The following ATP2B2 variants were observed in gnomAD, a reference collection of about 807,000 sequenced individuals.
ATP2B2 encodes the protein ATPase plasma membrane Ca2+ transporting 2, also known as plasma membrane calcium-transporting ATPase 2.
A neutral mutation model predicts 120.0 loss-of-function variants in ATP2B2; 15 were observed. That is an observed-to-expected ratio of 0.12 (90% CI 0.08 to 0.19). The LOEUF (loss-of-function observed/expected upper bound fraction) is 0.19. Among genes scored for constraint, ATP2B2 ranks in the 10% least tolerant of loss-of-function variants. ATP2B2 has a pLI of 1.00. For synonymous variants in ATP2B2, 694 were observed against 700.3 expected, an observed-to-expected ratio of 0.99 and a Z score of 0.14; for missense variants, 1,045 against 1,719.8, an observed-to-expected ratio of 0.61 and a Z score of 6.94.
At chr3:10,528,397 C>T (rs1173105968) in intron 3 of ATP2B2, among the ~76,000 whole-genome samples, 4 of 152,164 alleles carry the variant, frequency 2.6e-5, no homozygotes, top group African/African-American at 9.7e-5. Context: ...AAAAGGGTAA[C>T]AGAGTCCCCC....
chr3:10,341,536 C>A (rs1192776306), intron 19 of ATP2B2, among the ~76,000 whole-genome samples: 1 of 152,194 alleles, frequency 6.6e-6, no homozygotes, highest in East Asian at 1.9e-4. Flanking sequence ...GTCTCGAATT[C>A]CTGACCTCAA....
At chr3:10,393,904 C>T (rs1418144157) in intron 5 of ATP2B2, among the ~76,000 whole-genome samples, 4 of 152,272 alleles carry the variant, frequency 2.6e-5, no homozygotes, top group African/African-American at 7.2e-5. Context: ...TTCCCTTGCC[C>T]TGAGCTGGTC....
intron 21 of ATP2B2, among the ~76,000 whole-genome samples, chr3:10,339,821 C>G (rs749537228): frequency 6.6e-6 from 1 of 152,212 alleles, no homozygotes; most frequent in African/African-American, 2.4e-5. Flanking sequence ...TAACAAGCTG[C>G]TCCAGCCTTG....
At chr3:10,493,223 C>A (rs1306247038) in intron 1 of ATP2B2, among the ~76,000 whole-genome samples, 1 of 151,968 alleles carries the variant, frequency 6.6e-6, no homozygotes, top group Non-Finnish European at 1.5e-5. Flanking sequence ...TATTCGAAAA[C>A]AAGTGCCATG....
At chr3:10,621,733 A>G (rs2069555308) in intron 1 of ATP2B2, among the ~76,000 whole-genome samples, 1 of 152,214 alleles carries the variant, frequency 6.6e-6, no homozygotes, top group Non-Finnish European at 1.5e-5. Context: ...ACACCTGAGC[A>G]TTTACTCCTC....
chr3:10,466,491 A>C (rs1424585832), intron 1 of ATP2B2, among the ~76,000 whole-genome samples: 1 of 152,174 alleles, frequency 6.6e-6, no homozygotes, highest in Non-Finnish European at 1.5e-5. Context: ...ATTAGGCCGA[A>C]CAGTTTTACT....
At chr3:10,365,364 C>A (rs1658705) in intron 12 of ATP2B2, among the ~76,000 whole-genome samples, 1 of 152,186 alleles carries the variant, frequency 6.6e-6, no homozygotes, top group South Asian at 2.1e-4. Flanking sequence ...CCAGGTGGCA[C>A]GAAATTTTGG....
intron 2 of ATP2B2, among the ~76,000 whole-genome samples, chr3:10,589,541 T>C (rs1342672850): frequency 1.3e-5 from 2 of 152,150 alleles, no homozygotes; most frequent in Non-Finnish European, 2.9e-5. Flanking sequence ...TGGGACAGGG[T>C]CTGCTTTGGA....
At position 10,622,489 on chromosome 3, in the gene ATP2B2, G is replaced by GA. The variant is rs138552043; in HGVS notation, c.-459-2529dup. Among the ~76,000 whole-genome samples the GA allele has an allele frequency of 1.5e-3, 221 of 152,130 alleles. 1 individual carries two copies. In the East Asian group the frequency reaches 0.022, roughly 15 times the overall value. ...GGATGGAAAGTAATTGGTGAAATTG[G>GA]AAAAATCCCCTGACTTCTAACATAG... is the stretch of plus-strand genomic sequence containing the variant. On this transcript the variant is annotated intron_variant, in intron 1 of 21. Transcript: ENST00000646379.
In ATP2B2 at chr3:10,373,826, G is replaced by A. The variant is rs528751744; in HGVS notation, c.1416+1604C>T. On this transcript the variant is annotated intron_variant, in intron 11 of 22. Coordinates refer to ENST00000360273, the MANE Select transcript of ATP2B2 (RefSeq NM_001001331.4). ...CGGGCTCAAGCGATCCTCTTGCCTC[G>A]GCCTCTGAAAGTGCTGGGGATTACA... Among the ~76,000 whole-genome samples the A allele has an allele frequency of 2.0e-3, 310 of 152,104 alleles. 1 individual carries two copies. Among genetic ancestry groups the A allele is most frequent in the Non-Finnish European group, 3.6e-3 (246 of 68,020 alleles).
At chr3:10,454,023 C>T (rs981780179) in intron 1 of ATP2B2, among the ~76,000 whole-genome samples, 24 of 151,874 alleles carry the variant, frequency 1.6e-4, no homozygotes, top group Non-Finnish European at 1.9e-4. Context: ...CACCACCCAC[C>T]GACCCATCTA....
intron 1 of ATP2B2, among the ~76,000 whole-genome samples, chr3:10,669,639 A>G (rs897570523): frequency 6.6e-6 from 1 of 152,172 alleles, no homozygotes; most frequent in African/African-American, 2.4e-5. Flanking sequence ...AGGCAATTTC[A>G]ATGCGGGCTA....
intron 1 of ATP2B2, among the ~76,000 whole-genome samples, chr3:10,466,158 A>C (rs1259701350): frequency 6.6e-6 from 1 of 152,176 alleles, no homozygotes; most frequent in East Asian, 1.9e-4. Context: ...AGTCTGTGTC[A>C]ATGCTGGTGG....
intron 2 of ATP2B2, among the ~76,000 whole-genome samples, chr3:10,606,912 C>CACAG (rs1405755716): frequency 4.8e-5 from 3 of 62,582 alleles, no homozygotes; most frequent in Middle Eastern, 0.012. Flanking sequence ...CACACACACA[C>CACAG]AGAGAGAGAG....
intron 2 of ATP2B2, among the ~76,000 whole-genome samples, chr3:10,563,446 T>A (rs1047511695): frequency 1.3e-5 from 2 of 152,258 alleles, no homozygotes; most frequent in Non-Finnish European, 2.9e-5. Context: ...AACAGGATGT[T>A]ATGTGGCTTT....
At chr3:10,341,843 C>T (rs13084261) in intron 19 of ATP2B2, among the ~76,000 whole-genome samples, 16,706 of 152,206 alleles carry the variant, frequency 0.11, 1,286 homozygotes, top group East Asian at 0.37. Flanking sequence ...ATAAGTTTTA[C>T]AACAGTAAAA....
intron 2 of ATP2B2, among the ~76,000 whole-genome samples, chr3:10,612,406 C>T (rs1023743393): frequency 5.9e-5 from 9 of 152,304 alleles, no homozygotes; most frequent in African/African-American, 2.2e-4. Context: ...TTTGACACTG[C>T]TGCTCACCCT....
At chr3:10,355,802 G>GTGTGTGTGTGTGTGTGTGTGTGTGT (rs1231360099) in intron 14 of ATP2B2, among the ~76,000 whole-genome samples, 1 of 25,306 alleles carries the variant, frequency 4.0e-5, no homozygotes, top group Non-Finnish European at 7.7e-5. Flanking sequence ...GGCCGGGCGC[G>GTGTGTGTGTGTGTGTGTGTGTGTGT]GTGGCTCACG....
At chr3:10,651,422 G>A (rs1412920118) in intron 1 of ATP2B2, among the ~76,000 whole-genome samples, 1 of 152,210 alleles carries the variant, frequency 6.6e-6, no homozygotes, top group Non-Finnish European at 1.5e-5. Flanking sequence ...TTTTAAAAAG[G>A]GGAGGTTCCC....
Sources: gnomAD v4.1 joint callset for allele counts (sites outside exome capture counted in the v4.1 genomes callset) on GRCh38, gnomAD v4.1.1 for gene constraint, MANE v1.5 for transcripts, NCBI Gene and HGNC (gene_info 2026-07-23, HGNC 2026-07-21) for gene names.